Variants in HEATR4 observed in about 807,000 individuals in gnomAD.
HEATR4 encodes HEAT repeat-containing protein 4.
HEATR4 carries 95 observed loss-of-function variants against 108.8 expected under a neutral mutation model. The observed-to-expected ratio is 0.87, with a 90% CI of 0.74 to 1.04. The LOEUF (loss-of-function observed/expected upper bound fraction) is 1.04, where lower values mean the gene tolerates loss of function less well. Ranked by LOEUF, HEATR4 falls within the 50% of genes least tolerant of loss-of-function variation. The pLI is 0.00. For synonymous variants in HEATR4, 443 were observed against 459.4 expected, an observed-to-expected ratio of 0.96 and a Z score of 0.46; for missense variants, 1,152 against 1,253.8, an observed-to-expected ratio of 0.92 and a Z score of 1.23.
chr14:73,573,500 T>C, the HEATR4 span: 63 of 1,613,556 alleles, frequency 3.9e-5, 1 homozygote, highest in Middle Eastern at 3.3e-4. Flanking sequence ...CTCTGGCTTA[T>C]TATAACTATG....
the HEATR4 span, chr14:73,619,365 TC>T: frequency 6.2e-7 from 1 of 1,614,188 alleles, no homozygotes; most frequent in Non-Finnish European, 8.5e-7. Flanking sequence ...CAGTAGCTCC[TC>T]TACATTACAA....
chr14:73,628,396 C>T, the HEATR4 span, among the ~76,000 whole-genome samples: 1 of 152,122 alleles, frequency 6.6e-6, no homozygotes, highest in African/African-American at 2.4e-5. Context: ...CCCATCTCAG[C>T]CTCCCAAAAT....
chr14:73,506,804 G>GTTTTTTTTGT, intron 9 of HEATR4, among the ~76,000 whole-genome samples: 1 of 80,492 alleles, frequency 1.2e-5, no homozygotes, highest in East Asian at 5.8e-4. Context: ...GACTTTAACT[G>GTTTTTTTTGT]TTTTTTTTTT....
rs980705324 is a variant in HEATR4, at chr14:73,500,864, T to G, written c.2106-134A>C. On this transcript the variant is annotated intron_variant, in intron 11 of 17. Transcript: ENST00000553558. The stretch of plus-strand genomic sequence containing the variant: ...CCCATTCAGCCTTATGCTCATGAGA[T>G]AAGTTTTACTGGGTACAGAGCTCGA... The G allele has an allele frequency of 3.6e-5, 26 of 727,550 alleles. No individual in the cohort carries two copies. In the South Asian group the frequency reaches 4.9e-4, roughly 14 times the overall value. 45.1% of individuals were successfully genotyped at this position (727,550 alleles called of 1,614,324 possible).
intron 10 of HEATR4, among the ~76,000 whole-genome samples, chr14:73,506,184 C>T (rs972045183): frequency 5.9e-5 from 9 of 152,164 alleles, no homozygotes; most frequent in Admixed American, 2.6e-4. Context: ...CCACCGCACC[C>T]GGCCTACTAT....
chr14:73,479,410 G>A (rs868103428), intron 17 of HEATR4, among the ~76,000 whole-genome samples: 42 of 6,108 alleles, frequency 6.9e-3, no homozygotes, highest in Non-Finnish European at 0.018. Context: ...CACTGCGCCC[G>A]GCGTTTTTTT....
rs1451546984 is a variant in HEATR4 at position 73,547,689 on chromosome 14, A to T, written c.-152+11062T>A. 1.7e-5 allele frequency among the ~76,000 whole-genome samples: 2 copies of T among 115,042 alleles called. 1 individual carries two copies. The highest frequency in any genetic ancestry group is 3.8e-5 in the Non-Finnish European group (2 of 52,770). The allele number at this position is 115,042 out of a possible 152,430, so 75.5% of individuals were successfully genotyped here. A position where few individuals can be genotyped will look rare whatever the true frequency, so the allele number is the denominator to read the frequency against. On this transcript the variant is annotated intron_variant, in intron 1 of 17. Transcript: ENST00000553558. Reference sequence around the variant, plus strand: ...CACTTGAAGTCAGGAGTTCGAGAGCAGCCTAGCCAACATGGTAAAACTCCA... The same window carrying T: ...CACTTGAAGTCAGGAGTTCGAGAGCTGCCTAGCCAACATGGTAAAACTCCA...
the HEATR4 span, among the ~76,000 whole-genome samples, chr14:73,591,427 TCC>T: frequency 6.6e-6 from 1 of 151,660 alleles, no homozygotes; most frequent in Non-Finnish European, 1.5e-5. Flanking sequence ...GCGCCTGTAA[TCC>T]CAGGTACTCG....
Position 73,513,930 on chromosome 14 carries a change from C to T in HEATR4, c.1414+101G>A, listed in dbSNP as rs1188738950. On this transcript the variant is annotated intron_variant, in intron 6 of 17. Transcript: ENST00000553558. ...ATGAGGCAACCAGATTTTTACATTT[C>T]ACAAAGGAGGGATGGATTTTTCAAA... is the stretch of plus-strand genomic sequence containing the variant. 12 of 1,240,256 alleles carry T rather than the reference C, an allele frequency of 9.7e-6. No individual in the cohort carries two copies. The East Asian group carries it at 2.8e-4, about 29-fold the overall frequency. 76.8% of individuals were successfully genotyped at this position (1,240,256 alleles called of 1,614,324 possible).
At position 73,491,683 on chromosome 14, in the gene HEATR4, A is replaced by G. The variant is rs768167219; in HGVS notation, c.2844+1383T>C. 1.2e-5 allele frequency: 19 copies of G among 1,549,684 alleles called. No homozygotes were observed. In the East Asian group the frequency reaches 2.4e-4, roughly 20 times the overall value. On this transcript the variant is annotated intron_variant, in intron 17 of 17. Transcript: ENST00000553558. ...CGCCAGATCACTTTTACCGGCGCCT[A>G]TGGGAGCGCGAGGCGGTGCTGGTGC...
At chr14:73,566,105 T>G in the HEATR4 span, among the ~76,000 whole-genome samples, 1 of 151,812 alleles carries the variant, frequency 6.6e-6, no homozygotes, top group Non-Finnish European at 1.5e-5. Context: ...AGATACAGAG[T>G]GTTGATTGGT....
intron 5 of HEATR4, 92 bp downstream of exon 5, chr14:73,518,931 T>TG: frequency 7.8e-7 from 1 of 1,289,568 alleles, no homozygotes; most frequent in South Asian, 1.5e-5. Context: ...GCCCATGAAC[T>TG]GGGAGCTCTA....
chr14:73,579,951 A>G, the HEATR4 span, among the ~76,000 whole-genome samples: 1 of 151,972 alleles, frequency 6.6e-6, no homozygotes, highest in Non-Finnish European at 1.5e-5. Context: ...ATAATTTGCC[A>G]GGCCCACATG....
chr14:73,565,221 A>C, the HEATR4 span, among the ~76,000 whole-genome samples: 4 of 152,060 alleles, frequency 2.6e-5, no homozygotes, highest in African/African-American at 9.7e-5. Flanking sequence ...GTATTTTTGC[A>C]CTGATTGCCA....
the HEATR4 span, among the ~76,000 whole-genome samples, chr14:73,599,598 G>A: frequency 6.6e-6 from 1 of 152,066 alleles, no homozygotes; most frequent in East Asian, 1.9e-4. Flanking sequence ...CAACCTCCCT[G>A]CCATAAAAGT....
Position 73,492,223 on chromosome 14 carries a change from C to T in HEATR4, c.2844+843G>A. The T allele has an allele frequency of 3.1e-6, 5 of 1,614,018 alleles. No homozygotes were observed. Among genetic ancestry groups the T allele is most frequent in the Non-Finnish European group, 4.2e-6 (5 of 1,179,890 alleles). On this transcript the variant is annotated intron_variant, in intron 17 of 17. Transcript: ENST00000553558. The surrounding 1 kb of genome is among the most constrained non-coding windows in gnomAD (Gnocchi z 4.9). ...GAGATTTGCTGTATTTTCCTCGGGGCTTCATTCACCAAGCTGAATGCCAGG... is the reference window on the plus strand; with the variant it reads ...GAGATTTGCTGTATTTTCCTCGGGGTTTCATTCACCAAGCTGAATGCCAGG...
chr14:73,581,380 A>C, the HEATR4 span: 1 of 151,808 alleles, frequency 6.6e-6, no homozygotes, highest in Admixed American at 6.6e-5. Context: ...CTGTTTTATA[A>C]GGGCACCAAT....
At chr14:73,512,647 T>C (rs1253171156) in intron 6 of HEATR4, among the ~76,000 whole-genome samples, 2 of 152,232 alleles carry the variant, frequency 1.3e-5, no homozygotes, top group African/African-American at 4.8e-5. Flanking sequence ...CCTGGCAAGA[T>C]AATGAAGGTT....
chr14:73,495,241 T>C lies in HEATR4; in HGVS notation c.2772A>G (p.Gln924=), dbSNP rs745834106. The C allele has an allele frequency of 1.9e-6, 3 of 1,613,392 alleles. No homozygotes were observed. The highest frequency in any genetic ancestry group is 1.7e-6 in the Non-Finnish European group (2 of 1,179,794). ...QGPLTLQTLL[Q]ETFQDEMVLP... is the part of the protein sequence containing the mutation. Reference sequence around the variant, plus strand: ...TAGGAAACCTACCCTGAAAAGTTTCTTGGAGTAAAGTCTGGAGTGTTAGTG... The same window carrying C: ...TAGGAAACCTACCCTGAAAAGTTTCCTGGAGTAAAGTCTGGAGTGTTAGTG... The change falls in exon 16 of 18, where the codon CAA becomes CAG. Residue 924 remains glutamine (Q), a synonymous_variant. Transcript: ENST00000553558.
Sources: gnomAD v4.1 joint callset for allele counts (sites outside exome capture counted in the v4.1 genomes callset) on GRCh38, gnomAD v4.1.1 for gene constraint, Gnocchi (gnomAD v3.1) non-coding constraint, MANE v1.5 for transcripts, NCBI Gene and HGNC (gene_info 2026-07-23, HGNC 2026-07-21) for gene names.